Variants in SPATA6 observed in about 807,000 individuals in gnomAD.
SPATA6 encodes spermatogenesis associated 6, also known as spermatogenesis-associated protein 6.
In SPATA6, 56 loss-of-function variants were observed where a neutral mutation model predicts 65.3. The observed-to-expected ratio is 0.86, with a 90% CI of 0.69 to 1.07. The LOEUF (loss-of-function observed/expected upper bound fraction) is 1.07, where lower values mean the gene tolerates loss of function less well. Among genes scored for constraint, SPATA6 ranks in the 50% least tolerant of loss-of-function variants. The probability of loss-of-function intolerance (pLI) is 0.00; values close to 1 mark genes in which losing one functional copy is unlikely to be tolerated. For missense variants in SPATA6, 590 were observed against 594.8 expected, an observed-to-expected ratio of 0.99 and a Z score of 0.08; for synonymous variants, 199 against 213.2, an observed-to-expected ratio of 0.93 and a Z score of 0.58.
At chr1:48,379,711 T>C (rs1013106114) in intron 9 of SPATA6, among the ~76,000 whole-genome samples, 2 of 152,226 alleles carry the variant, frequency 1.3e-5, no homozygotes, top group African/African-American at 2.4e-5. Context: ...TCATAATCTT[T>C]GCAGTATTTG....
the SPATA6 span, among the ~76,000 whole-genome samples, chr1:48,271,177 C>T: frequency 3.9e-5 from 6 of 152,110 alleles, no homozygotes; most frequent in Admixed American, 3.3e-4. Context: ...ATTGCTACCT[C>T]GATCCACTTT....
At chr1:48,393,094 G>A (rs994406206) in intron 8 of SPATA6, among the ~76,000 whole-genome samples, 8 of 152,090 alleles carry the variant, frequency 5.3e-5, no homozygotes, top group African/African-American at 1.7e-4. Flanking sequence ...TGCGAAAGGA[G>A]TCAAAGTTGA....
chr1:48,402,858 AAGTAAGCCACC>A (rs1651300531), intron 6 of SPATA6: 1 of 152,196 alleles, frequency 6.6e-6, no homozygotes, highest in Non-Finnish European at 1.5e-5. Context: ...GTGGACAAAG[AAGTAAGCCACC>A]CTGGTGACTC....
intron 3 of SPATA6, among the ~76,000 whole-genome samples, chr1:48,428,839 G>C (rs1654116437): frequency 7.2e-6 from 1 of 139,332 alleles, no homozygotes; most frequent in African/African-American, 2.6e-5. Flanking sequence ...GTATATATAT[G>C]TGTATATATA....
In SPATA6 at chr1:48,456,887, C is replaced by T. The variant is rs529368408; in HGVS notation, c.52-3756G>A. 2.0e-5 allele frequency among the ~76,000 whole-genome samples: 3 copies of T among 152,038 alleles called. No individual in the cohort carries two copies. The South Asian group carries it at 6.2e-4, about 32-fold the overall frequency. On this transcript the variant is annotated intron_variant, in intron 1 of 12. Coordinates refer to ENST00000371847, the MANE Select transcript of SPATA6 (RefSeq NM_019073.4). ...CAGACCTGTGGGATACCACCAAGCA[C>T]AGTAAAATAAATAGAATGAGAGCCT...
chr1:48,399,472 G>A lies in SPATA6; in HGVS notation c.659C>T (p.Pro220Leu). Residue 220 changes from proline (P) to leucine (L), a missense_variant, in exon 7 of 13, where the codon CCC (proline) becomes CTC (leucine). Pro to Leu is a moderately conservative substitution (Grantham distance 98). Coordinates refer to ENST00000371847, the MANE Select transcript of SPATA6 (RefSeq NM_019073.4). ...TISSKSHSPS[P>L]YTKRRMCELS... ...CTCACACATGCGTCTTTTTGTGTAG[G>A]GAGATGGAGAGTGTGATTTTGAAGA... 2 of 1,613,268 alleles carry A rather than the reference G, an allele frequency of 1.2e-6. No individual in the cohort carries two copies. Among genetic ancestry groups the A allele is most frequent in the Non-Finnish European group, 1.7e-6 (2 of 1,179,516 alleles).
At chr1:48,435,704 A>C (rs556626517) in intron 3 of SPATA6, among the ~76,000 whole-genome samples, 1 of 152,170 alleles carries the variant, frequency 6.6e-6, no homozygotes, top group Non-Finnish European at 1.5e-5. Context: ...ACGCACCGAG[A>C]GTTCCAAGCC....
intron 9 of SPATA6, among the ~76,000 whole-genome samples, chr1:48,369,633 C>T (rs538832091): frequency 2.6e-5 from 4 of 152,316 alleles, no homozygotes; most frequent in South Asian, 2.1e-4. Context: ...GTCGGAAAAG[C>T]GCAGTAGTGG....
chr1:48,388,157 G>C (rs1649680160), intron 8 of SPATA6, among the ~76,000 whole-genome samples: 1 of 152,028 alleles, frequency 6.6e-6, no homozygotes, highest in Admixed American at 6.6e-5. Context: ...CCAGTCCTCA[G>C]CAAAACTAGA....
At chr1:48,456,854 CAG>C (rs1410578944) in intron 1 of SPATA6, among the ~76,000 whole-genome samples, 3 of 152,162 alleles carry the variant, frequency 2.0e-5, no homozygotes, top group East Asian at 1.9e-4. Flanking sequence ...GAAAAATGAA[CAG>C]AGTTTCAGAC....
At chr1:48,446,631 G>C (rs1656076913) in intron 3 of SPATA6, among the ~76,000 whole-genome samples, 1 of 152,146 alleles carries the variant, frequency 6.6e-6, no homozygotes, top group South Asian at 2.1e-4. Context: ...AAAGAAGATT[G>C]AATTTGGTTA....
intron 5 of SPATA6, among the ~76,000 whole-genome samples, chr1:48,406,460 T>C (rs1651713904): frequency 6.6e-6 from 1 of 152,178 alleles, no homozygotes; most frequent in Non-Finnish European, 1.5e-5. Flanking sequence ...TCTAGCCAAA[T>C]TGAAACATAA....
At chr1:48,411,429 A>C (rs769316915) in intron 5 of SPATA6, 35 bp downstream of exon 5, 1 of 1,590,268 alleles carries the variant, frequency 6.3e-7, no homozygotes, top group African/African-American at 1.3e-5. Context: ...ATGATTTTCC[A>C]TCAAAAACTG....
the SPATA6 span, among the ~76,000 whole-genome samples, chr1:48,287,650 C>T: frequency 1.3e-5 from 2 of 152,224 alleles, no homozygotes; most frequent in Admixed American, 6.5e-5. Context: ...GTGGCACTGC[C>T]AGCTCTCCCT....
chr1:48,410,339 T>C (rs1341128619), intron 5 of SPATA6, among the ~76,000 whole-genome samples: 1 of 152,226 alleles, frequency 6.6e-6, no homozygotes, highest in Non-Finnish European at 1.5e-5. Context: ...TGGACTTCAT[T>C]GTCTATATCA....
downstream of SPATA6, among the ~76,000 whole-genome samples, chr1:48,294,903 C>T (rs1437215444): frequency 2.0e-5 from 3 of 152,168 alleles, no homozygotes; most frequent in Non-Finnish European, 2.9e-5. Context: ...CATGCCTCTG[C>T]ATGTTCTGTT....
chr1:48,434,886 T>C (rs2148073235), intron 3 of SPATA6, among the ~76,000 whole-genome samples: 1 of 152,232 alleles, frequency 6.6e-6, no homozygotes, highest in Non-Finnish European at 1.5e-5. Context: ...ATTAAAACCA[T>C]TTCCTTGAAG....
At chr1:48,439,154 C>A (rs1445236669) in intron 3 of SPATA6, among the ~76,000 whole-genome samples, 1 of 152,118 alleles carries the variant, frequency 6.6e-6, no homozygotes, top group African/African-American at 2.4e-5. Flanking sequence ...AGGACTCTAA[C>A]AGGTTTTTGA....
chr1:48,431,003 G>A (rs1183578738), intron 3 of SPATA6, among the ~76,000 whole-genome samples: 1 of 152,056 alleles, frequency 6.6e-6, no homozygotes, highest in Non-Finnish European at 1.5e-5. Flanking sequence ...CATATGACCT[G>A]GGGATATGCT....
Sources: allele counts gnomAD v4.1 joint callset (sites outside exome capture counted in the v4.1 genomes callset), GRCh38; gene constraint gnomAD v4.1.1; transcripts MANE v1.5; gene names NCBI Gene and HGNC (gene_info 2026-07-23, HGNC 2026-07-21).